The following PITPNB variants were observed in gnomAD, a reference collection of about 807,000 sequenced individuals.
PITPNB encodes the protein phosphatidylinositol transfer protein beta, also known as phosphatidylinositol transfer protein beta isoform.
A neutral mutation model predicts 45.9 loss-of-function variants in PITPNB; 16 were observed. The observed-to-expected ratio is 0.35, with a 90% CI of 0.24 to 0.53. PITPNB has a LOEUF of 0.53. Ranked by LOEUF, PITPNB falls within the 20% of genes least tolerant of loss-of-function variation. The pLI is 0.93. For synonymous variants in PITPNB, 112 were observed against 108.9 expected, an observed-to-expected ratio of 1.03 and a Z score of -0.18; for missense variants, 188 against 330.5, an observed-to-expected ratio of 0.57 and a Z score of 3.34.
In PITPNB at chr22:27,851,894, A is replaced by G. The variant is rs1934030757; in HGVS notation, c.*1808T>C. ...ACAGATGCCAGCGAGAGTTAAGTTC[A>G]TTAAAAGGAGAGGGCTAGACTCTTT... On this transcript the variant is annotated 3_prime_UTR_variant, in exon 12 of 12. Coordinates refer to ENST00000335272, the MANE Select transcript of PITPNB (RefSeq NM_012399.5). 6.6e-6 allele frequency: 1 copy of G among 152,214 alleles called. No homozygotes were observed. Among genetic ancestry groups the G allele is most frequent in the Admixed American group, 6.5e-5 (1 of 15,284 alleles). 9.4% of individuals were successfully genotyped at this position (152,214 alleles called of 1,614,324 possible). A position where few individuals can be genotyped will look rare whatever the true frequency, so the allele number is the denominator to read the frequency against.
intron 3 of PITPNB, chr22:27,910,584 C>A: frequency 1.2e-5 from 2 of 165,038 alleles, no homozygotes; most frequent in Non-Finnish European, 2.7e-5. Flanking sequence ...ACTGCAAAAC[C>A]ATTCATATGG....
In PITPNB at chr22:27,894,576, A is replaced by G. The variant is rs944887601; in HGVS notation, c.435T>C (p.Asp145=). Residue 145 remains aspartate (D), a synonymous_variant, in exon 7 of 12, where the codon GAT becomes GAC. Coordinates refer to ENST00000335272, the MANE Select transcript of PITPNB (RefSeq NM_012399.5). ...TTACTGCTGGTTCAACTTGACTTCT[A>G]TCTGCAATATCTATATGGACAATTT... is the stretch of plus-strand genomic sequence containing the variant. The part of the protein sequence containing the change: ...TVEIVHIDIA[D]RSQVEPADYK... 5.0e-6 allele frequency: 8 copies of G among 1,588,738 alleles called. No homozygotes were observed. The highest frequency in any genetic ancestry group is 3.3e-4 in the Middle Eastern group (2 of 6,006).
At chr22:27,873,603 G>C (rs1934732911) in intron 8 of PITPNB, 135 bp downstream of exon 8, 2 of 623,556 alleles carry the variant, frequency 3.2e-6, no homozygotes, top group Admixed American at 2.5e-5. Context: ...CTGGCTGTAA[G>C]TCCTTATCGC....
intron 8 of PITPNB, 84 bp from the exon 9 acceptor site, chr22:27,860,325 T>C (rs998730733): frequency 2.6e-5 from 19 of 724,752 alleles, no homozygotes; most frequent in South Asian, 1.9e-4. Context: ...AACGACATCA[T>C]AGACATACAT....
At chr22:27,896,009 A>G (rs759413712) in intron 6 of PITPNB, among the ~76,000 whole-genome samples, 1 of 152,256 alleles carries the variant, frequency 6.6e-6, no homozygotes, top group Non-Finnish European at 1.5e-5. Flanking sequence ...CATTTTTTTA[A>G]GTCCTAACTC....
intron 10 of PITPNB, among the ~76,000 whole-genome samples, chr22:27,855,523 G>A (rs991855189): frequency 1.6e-4 from 24 of 152,232 alleles, no homozygotes; most frequent in Non-Finnish European, 3.4e-4. Flanking sequence ...CTCCAGACAA[G>A]TGACACCACT....
At chr22:27,876,575 A>G (rs1332613502) in intron 7 of PITPNB, among the ~76,000 whole-genome samples, 1 of 152,256 alleles carries the variant, frequency 6.6e-6, no homozygotes, top group Non-Finnish European at 1.5e-5. Context: ...AGATATTAAG[A>G]AGCAGGAAGT....
At chr22:27,867,067 C>A (rs1934505627) in intron 8 of PITPNB, among the ~76,000 whole-genome samples, 1 of 152,148 alleles carries the variant, frequency 6.6e-6, no homozygotes. Context: ...CATTATATTT[C>A]TGTAAATACA....
At chr22:27,883,850 CA>C in intron 7 of PITPNB, among the ~76,000 whole-genome samples, 1 of 152,096 alleles carries the variant, frequency 6.6e-6, no homozygotes, top group Admixed American at 6.5e-5. Context: ...CAAAGGAGAC[CA>C]AACTGGGGAC....
intron 2 of PITPNB, among the ~76,000 whole-genome samples, chr22:27,911,357 C>CAAAT (rs1247998076): frequency 6.6e-6 from 1 of 152,186 alleles, no homozygotes; most frequent in Admixed American, 6.5e-5. Flanking sequence ...TTGCCAGTTA[C>CAAAT]AAATACTCTG....
At chr22:27,893,560 G>T (rs1341747224) in intron 7 of PITPNB, among the ~76,000 whole-genome samples, 4 of 148,592 alleles carry the variant, frequency 2.7e-5, no homozygotes, top group Non-Finnish European at 5.9e-5. Context: ...TGGGATTACA[G>T]GCTTGAGCCA....
intron 3 of PITPNB, among the ~76,000 whole-genome samples, chr22:27,908,516 A>T (rs1435128112): frequency 6.6e-6 from 1 of 152,052 alleles, no homozygotes; most frequent in African/African-American, 2.4e-5. Context: ...ATAGTGATCT[A>T]AACAGAACAT....
In PITPNB at chr22:27,911,034, A is replaced by G. The variant is rs771715204; in HGVS notation, c.127T>C (p.Leu43=). 6 of 1,610,946 alleles carry G rather than the reference A, an allele frequency of 3.7e-6. No homozygotes were observed. The highest frequency in any genetic ancestry group is 3.3e-5 in the Admixed American group (2 of 60,014). ...ETGGGEGIEV[L]KNEPYEKDGE... ...TCCTTCTCATAAGGTTCATTCTTTAAGACTTCAATTCCTTCTCCACCACCA... is the reference window on the plus strand; with the variant it reads ...TCCTTCTCATAAGGTTCATTCTTTAGGACTTCAATTCCTTCTCCACCACCA... Residue 43 remains leucine, a synonymous_variant, in exon 3 of 12, where the codon TTA becomes CTA. Transcript: ENST00000335272.
chr22:27,904,994 A>G (rs1173993021), intron 3 of PITPNB, among the ~76,000 whole-genome samples: 2 of 152,250 alleles, frequency 1.3e-5, no homozygotes, highest in Non-Finnish European at 2.9e-5. Flanking sequence ...AATACTTCTG[A>G]TATTTTTCAG....
chr22:27,858,641 T>G (rs1292472780), intron 9 of PITPNB, 132 bp from the exon 10 acceptor site: 1 of 618,994 alleles, frequency 1.6e-6, no homozygotes, highest in Non-Finnish European at 2.7e-6. Context: ...TGTAGATTTG[T>G]GGAAATCATA....
At chr22:27,876,353 T>C (rs989886304) in intron 7 of PITPNB, among the ~76,000 whole-genome samples, 2 of 152,212 alleles carry the variant, frequency 1.3e-5, no homozygotes, top group African/African-American at 4.8e-5. Flanking sequence ...TGAAATGAAG[T>C]CTTCCCCTCT....
chr22:27,864,429 A>G, intron 8 of PITPNB, among the ~76,000 whole-genome samples: 1 of 152,214 alleles, frequency 6.6e-6, no homozygotes, highest in East Asian at 1.9e-4. Context: ...AAGTCTTAAA[A>G]GCTGTTCATA....
intron 7 of PITPNB, among the ~76,000 whole-genome samples, chr22:27,891,187 G>A (rs1024462969): frequency 2.6e-5 from 4 of 152,154 alleles, no homozygotes; most frequent in African/African-American, 4.8e-5. Flanking sequence ...TGTACCAAAT[G>A]CCACTGAATT....
At position 27,862,493 on chromosome 22, in the gene PITPNB, G is replaced by A. The variant is rs79159653; in HGVS notation, c.535-2252C>T. Among the ~76,000 whole-genome samples, 886 of 152,218 alleles carry A rather than the reference G, an allele frequency of 5.8e-3. 6 individuals are homozygous for A. The highest frequency in any genetic ancestry group is 8.5e-3 in the Non-Finnish European group (575 of 68,020). ...AACCTGATACATGGGCTACATCAAC[G>A]AGGTAACACCAGTAAGCAGTTAAAT... On this transcript the variant is annotated intron_variant, in intron 8 of 11. Transcript: ENST00000335272.
Sources: allele counts gnomAD v4.1 joint callset (sites outside exome capture counted in the v4.1 genomes callset), GRCh38; gene constraint gnomAD v4.1.1; transcripts MANE v1.5; gene names NCBI Gene and HGNC (gene_info 2026-07-23, HGNC 2026-07-21).